SAMD12: variants seen among roughly 807,000 people sequenced by gnomAD.
SAMD12 encodes sterile alpha motif domain-containing protein 12.
In SAMD12, 9 loss-of-function variants were observed where a neutral mutation model predicts 15.0. The observed-to-expected ratio is 0.60, with a 90% CI of 0.36 to 1.05. The LOEUF (loss-of-function observed/expected upper bound fraction) is 1.05, where lower values mean the gene tolerates loss of function less well. SAMD12 is among the 50% of genes least tolerant of loss of function. The pLI is 0.01. For synonymous variants in SAMD12, 86 were observed against 90.1 expected (o/e 0.96, Z 0.25); for missense variants, 230 against 234.2 (o/e 0.98, Z 0.12).
rs143918688 is a variant in SAMD12 at position 118,296,139 on chromosome 8, C to T, written c.433+83421G>A. 6.6e-3 allele frequency among the ~76,000 whole-genome samples: 1,008 copies of T among 152,254 alleles called. 13 individuals carry two copies. The highest frequency in any genetic ancestry group is 0.023 in the African/African-American group (961 of 41,538). ...ATGTAGGTTTGACATTCACAATAAA[C>T]CTACCAGAAAAGCATAACCATGCCC... On this transcript the variant is annotated intron_variant, in intron 4 of 4. Transcript: ENST00000409003.
At chr8:118,213,265 A>G (rs1811880185) in intron 4 of SAMD12, among the ~76,000 whole-genome samples, 1 of 152,106 alleles carries the variant, frequency 6.6e-6, no homozygotes. Flanking sequence ...GACTTCTTGG[A>G]CCAACAGCAT....
chr8:118,365,769 C>G (rs1472093545), intron 4 of SAMD12, among the ~76,000 whole-genome samples: 1 of 152,106 alleles, frequency 6.6e-6, no homozygotes, highest in Non-Finnish European at 1.5e-5. Flanking sequence ...AGCCTCAGAA[C>G]AGTCTGTTCC....
chr8:118,220,736 T>G (rs1812065637), intron 4 of SAMD12, among the ~76,000 whole-genome samples: 2 of 152,204 alleles, frequency 1.3e-5, no homozygotes, highest in African/African-American at 4.8e-5. Flanking sequence ...GACAGTTTCT[T>G]CATTAATTCC....
intron 2 of SAMD12, among the ~76,000 whole-genome samples, chr8:118,465,372 G>A (rs1823564949): frequency 6.6e-6 from 1 of 152,018 alleles, no homozygotes; most frequent in African/African-American, 2.4e-5. Context: ...TATTTTCTAG[G>A]TTGACATTTT....
intron 1 of SAMD12, among the ~76,000 whole-genome samples, chr8:118,600,792 T>C (rs1307363663): frequency 2.0e-5 from 3 of 152,222 alleles, no homozygotes; most frequent in Admixed American, 6.5e-5. Flanking sequence ...TGTGCTTTTT[T>C]TTTTAGATCT....
intron 4 of SAMD12, among the ~76,000 whole-genome samples, chr8:118,308,600 T>C (rs1052135640): frequency 3.3e-5 from 5 of 152,190 alleles, no homozygotes; most frequent in African/African-American, 7.2e-5. Context: ...CAGCTAAATG[T>C]GTGAGTAAAA....
intron 1 of SAMD12, chr8:118,621,139 TAAG>T (rs1187104251): frequency 6.6e-6 from 1 of 152,354 alleles, no homozygotes; most frequent in African/African-American, 2.4e-5. Context: ...CTCAAGACTG[TAAG>T]AAGAAAGTGA....
intron 2 of SAMD12, among the ~76,000 whole-genome samples, chr8:118,545,786 T>C (rs1826107801): frequency 6.6e-6 from 1 of 152,240 alleles, no homozygotes; most frequent in Non-Finnish European, 1.5e-5. Context: ...TATGCATCTT[T>C]GAACAGATGA....
chr8:118,345,636 T>C (rs1248545829), intron 4 of SAMD12, among the ~76,000 whole-genome samples: 1 of 152,194 alleles, frequency 6.6e-6, no homozygotes, highest in Non-Finnish European at 1.5e-5. Flanking sequence ...ACAAACTGCT[T>C]AGAGAATTAT....
chr8:118,454,205 T>G (rs938891938), intron 2 of SAMD12, among the ~76,000 whole-genome samples: 2 of 152,220 alleles, frequency 1.3e-5, no homozygotes, highest in African/African-American at 2.4e-5. Flanking sequence ...CACATTTGAT[T>G]GATAAAATGG....
chr8:118,143,298 T>C, the SAMD12 span, among the ~76,000 whole-genome samples: 1 of 152,296 alleles, frequency 6.6e-6, no homozygotes, highest in Admixed American at 6.5e-5. Flanking sequence ...GGACCCCAAG[T>C]CAATTTACAT....
intron 2 of SAMD12, among the ~76,000 whole-genome samples, chr8:118,488,025 A>G (rs1403783758): frequency 6.6e-6 from 1 of 152,236 alleles, no homozygotes; most frequent in Non-Finnish European, 1.5e-5. Flanking sequence ...AAGTATGCTT[A>G]CTTCCATAAG....
chr8:118,458,157 T>C (rs1823314838), intron 2 of SAMD12, among the ~76,000 whole-genome samples: 1 of 152,200 alleles, frequency 6.6e-6, no homozygotes, highest in Non-Finnish European at 1.5e-5. Flanking sequence ...CTTAACTAAA[T>C]CACATTTCTC....
At chr8:118,546,156 G>A (rs1348751136) in intron 2 of SAMD12, among the ~76,000 whole-genome samples, 3 of 152,194 alleles carry the variant, frequency 2.0e-5, no homozygotes, top group East Asian at 1.9e-4. Flanking sequence ...AAAGCACAGG[G>A]TACTATCAGA....
At chr8:118,512,044 A>T (rs1298610850) in intron 2 of SAMD12, among the ~76,000 whole-genome samples, 9 of 150,214 alleles carry the variant, frequency 6.0e-5, no homozygotes, top group Non-Finnish European at 1.3e-4. Context: ...TATAAAGAAC[A>T]TTTTTTTTTT....
intron 4 of SAMD12, among the ~76,000 whole-genome samples, chr8:118,283,216 T>A (rs1053083399): frequency 2.5e-4 from 38 of 152,240 alleles, no homozygotes; most frequent in African/African-American, 8.0e-4. Flanking sequence ...GAAATATTGT[T>A]TCTTGACAAA....
At chr8:118,223,861 G>A (rs1812132349) in intron 4 of SAMD12, among the ~76,000 whole-genome samples, 1 of 152,140 alleles carries the variant, frequency 6.6e-6, no homozygotes, top group Non-Finnish European at 1.5e-5. Flanking sequence ...GTTGCTCATG[G>A]TGTCATCTTT....
chr8:118,410,287 T>C (rs887884229), intron 3 of SAMD12, among the ~76,000 whole-genome samples: 4 of 152,174 alleles, frequency 2.6e-5, no homozygotes, highest in African/African-American at 9.7e-5. Context: ...TATTTCTCAC[T>C]GACTACAAAG....
intron 3 of SAMD12, among the ~76,000 whole-genome samples, chr8:118,427,498 T>C (rs749109294): frequency 6.6e-6 from 1 of 152,216 alleles, no homozygotes; most frequent in Non-Finnish European, 1.5e-5. Flanking sequence ...CTGACTGCTA[T>C]CCCTACAGGT....
Sources: gnomAD v4.1 joint callset for allele counts (sites outside exome capture counted in the v4.1 genomes callset) on GRCh38, gnomAD v4.1.1 for gene constraint, MANE v1.5 for transcripts, NCBI Gene and HGNC (gene_info 2026-07-23, HGNC 2026-07-21) for gene names.